TELO2: variants seen among roughly 807,000 people sequenced by gnomAD.
The protein encoded by TELO2 is telomere length regulation protein TEL2 homolog.
In TELO2, 71 loss-of-function variants were observed where a neutral mutation model predicts 91.0. The ratio of observed to expected loss-of-function variants is 0.78; its 90% CI spans 0.64 to 0.95. The LOEUF (loss-of-function observed/expected upper bound fraction) is 0.95. Among genes scored for constraint, TELO2 ranks in the 40% least tolerant of loss-of-function variants. The pLI is 0.00. For synonymous variants in TELO2, 584 were observed against 518.9 expected (o/e 1.13, Z -1.71); for missense variants, 1,183 against 1,141.3 (o/e 1.04, Z -0.53).
rs1343432770 is a variant in TELO2 at position 1,497,489 on chromosome 16, C to T, written c.811C>T (p.Leu271=). Residue 271 remains leucine, a synonymous_variant, in exon 5 of 21, where the codon CTG becomes TTG. Coordinates refer to ENST00000262319, the MANE Select transcript of TELO2 (RefSeq NM_016111.4). This position sits in a 1 kb window ranked among gnomAD's most constrained non-coding sequence, Gnocchi z 4.0. ...GGCCATGGAGGCTGTGCTGACCGGG[C>T]TGGTGGAGGCCGCACTGGGGTAAGC... ...DRAMEAVLTG[L]VEAALGPEVL... is the part of the protein sequence containing the mutation. 1.3e-6 allele frequency: 2 copies of T among 1,571,748 alleles called. No individual in the cohort carries two copies. Among genetic ancestry groups the T allele is most frequent in the Middle Eastern group, 1.7e-4 (1 of 6,004 alleles).
In TELO2 at chr16:1,494,754, A is replaced by G. The variant is rs2039417677; in HGVS notation, c.335+138A>G. The stretch of plus-strand genomic sequence containing the variant: ...CCTGCTCCTGGCTGAACCCCTGAAC[A>G]GAAGAAGCGGTCTGTGTCTGTCTCC... On this transcript the variant is annotated intron_variant, in intron 2 of 20. Coordinates refer to ENST00000262319, the MANE Select transcript of TELO2 (RefSeq NM_016111.4). This position sits in a 1 kb window ranked among gnomAD's most constrained non-coding sequence, Gnocchi z 5.6. 2 of 973,270 alleles carry G rather than the reference A, an allele frequency of 2.1e-6. No individual in the cohort carries two copies. Among genetic ancestry groups the G allele is most frequent in the Admixed American group, 2.9e-5 (1 of 34,398 alleles). 60.3% of individuals were successfully genotyped at this position (973,270 alleles called of 1,614,324 possible). A position where few individuals can be genotyped will look rare whatever the true frequency, so the allele number is the denominator to read the frequency against.
At chr16:1,496,314 C>G (rs986726526) in intron 3 of TELO2, among the ~76,000 whole-genome samples, 1 of 152,226 alleles carries the variant, frequency 6.6e-6, no homozygotes, top group Non-Finnish European at 1.5e-5. Context: ...AAGCCGGGCC[C>G]CTCGAGTCCC....
chr16:1,506,614 T>G, intron 17 of TELO2: 1 of 1,388,406 alleles, frequency 7.2e-7, no homozygotes, highest in Non-Finnish European at 9.3e-7. Flanking sequence ...TGCTGGGCCC[T>G]GCTCGCCTCC....
chr16:1,500,008 A>G, intron 6 of TELO2, 88 bp from the exon 7 acceptor site: 1 of 1,453,482 alleles, frequency 6.9e-7, no homozygotes, highest in East Asian at 2.4e-5. Flanking sequence ...GTCTGGTCCC[A>G]GTCCTGGCAT....
Position 1,497,315 on chromosome 16 carries a change from G to A in TELO2, c.683-46G>A. The A allele has an allele frequency of 6.6e-7, 1 of 1,511,554 alleles. No individual in the cohort carries two copies. Among genetic ancestry groups the A allele is most frequent in the South Asian group, 1.3e-5 (1 of 78,666 alleles). The allele number at this position is 1,511,554 out of a possible 1,614,324, so 93.6% of individuals were successfully genotyped here. A position where few individuals can be genotyped will look rare whatever the true frequency, so the allele number is the denominator to read the frequency against. On this transcript the variant is annotated intron_variant, in intron 4 of 20. Transcript: ENST00000262319. This position sits in a 1 kb window ranked among gnomAD's most constrained non-coding sequence, Gnocchi z 4.0. ...TGGACCCACACAGCCCCAGACACCA[G>A]GTGGGTGCAGCTCCCCAGGCTCAGG...
chr16:1,501,899 T>C, intron 11 of TELO2, 126 bp downstream of exon 11: 1 of 1,436,568 alleles, frequency 7.0e-7, no homozygotes, highest in Non-Finnish European at 9.7e-7. Flanking sequence ...CGTCCTCATG[T>C]GAGGGCCCGC....
In TELO2 at chr16:1,507,296, T is replaced by A; in HGVS notation, c.2227-10T>A. ...GGGACCCCACTGACTGTCCCTCTGC[T>A]GGTGTCCAGGTGGCTGTGGCCATGG... On this transcript the variant is annotated splice_polypyrimidine_tract_variant and intron_variant, in intron 18 of 20. Transcript: ENST00000262319. 1 of 1,607,986 alleles carries A rather than the reference T, an allele frequency of 6.2e-7. No homozygotes were observed. Among genetic ancestry groups the A allele is most frequent in the Non-Finnish European group, 8.5e-7 (1 of 1,179,854 alleles).
chr16:1,506,936 C>A lies in TELO2; in HGVS notation c.2127-16C>A. ...TGAGGCACCCGCTGCACCTTGGGCT[C>A]CATCCTGTGCTCTAGGCCTCTGGTG... On this transcript the variant is annotated splice_polypyrimidine_tract_variant and intron_variant, in intron 17 of 20. Transcript: ENST00000262319. The A allele has an allele frequency of 1.9e-6, 3 of 1,599,656 alleles. No individual in the cohort carries two copies. The highest frequency in any genetic ancestry group is 8.5e-7 in the Non-Finnish European group (1 of 1,173,046).
intron 7 of TELO2, 82 bp from the exon 8 acceptor site, chr16:1,500,265 G>C: frequency 1.3e-6 from 2 of 1,530,890 alleles, no homozygotes; most frequent in South Asian, 1.2e-5. Flanking sequence ...GGCTGGGGCG[G>C]AGCTCCCTCA....
intron 5 of TELO2, 91 bp from the exon 6 acceptor site, chr16:1,499,140 G>A: frequency 7.3e-7 from 1 of 1,363,702 alleles, no homozygotes; most frequent in Non-Finnish European, 1.0e-6. Context: ...CCGGGAGTCA[G>A]GCCGCCGTCT....
intron 11 of TELO2, 103 bp downstream of exon 11, chr16:1,501,876 GCTT>G (rs1216996093): frequency 1.4e-5 from 21 of 1,457,968 alleles, no homozygotes; most frequent in African/African-American, 2.8e-5. Context: ...CCTGCTCCGT[GCTT>G]CTTCTCTTTC....
chr16:1,495,331 C>G lies in TELO2; in HGVS notation c.336-15C>G. The G allele has an allele frequency of 1.3e-6, 2 of 1,530,382 alleles. No individual in the cohort carries two copies. The highest frequency in any genetic ancestry group is 1.8e-6 in the Non-Finnish European group (2 of 1,133,184). 94.8% of individuals were successfully genotyped at this position (1,530,382 alleles called of 1,614,324 possible). A position where few individuals can be genotyped will look rare whatever the true frequency, so the allele number is the denominator to read the frequency against. ...TGGGGGTTGGCGGCTCTGCCCAACA[C>G]GCCCGTATCTTCAGCCCCAGCTTCC... is the stretch of plus-strand genomic sequence containing the variant. On this transcript the variant is annotated splice_polypyrimidine_tract_variant and intron_variant, in intron 2 of 20. Transcript: ENST00000262319.
At position 1,501,440 on chromosome 16, in the gene TELO2, C is replaced by T. The variant is rs746578156; in HGVS notation, c.1302C>T (p.Ser434=). Residue 434 remains serine (S), a synonymous_variant, in exon 10 of 21, where the codon AGC becomes AGT. Transcript: ENST00000262319. ...LKFQYEEDEL[S]LELLALASPQ... Reference sequence around the variant, plus strand: ...TGTAGTACGAAGAGGATGAACTGAGCCTCGAGCTGCTGGCCTTGGCCTCCC... The same window carrying T: ...TGTAGTACGAAGAGGATGAACTGAGTCTCGAGCTGCTGGCCTTGGCCTCCC... The T allele has an allele frequency of 3.1e-6, 5 of 1,612,322 alleles. No homozygotes were observed. Among genetic ancestry groups the T allele is most frequent in the Non-Finnish European group, 4.2e-6 (5 of 1,179,606 alleles).
chr16:1,495,451 C>T lies in TELO2; in HGVS notation c.441C>T (p.Pro147=), dbSNP rs769240165. Residue 147 remains proline, a synonymous_variant, in exon 3 of 21, where the codon CCC becomes CCT. Transcript: ENST00000262319. ...CGCAGTGTCGGCAGCAGACGCAGCC[C>T]GGCTTCATCCTGCTCCGGGAGACGC... is the stretch of plus-strand genomic sequence containing the variant. ...MEAQCRQQTQ[P]GFILLRETLL... 6.9e-5 allele frequency: 111 copies of T among 1,607,094 alleles called. No individual in the cohort carries two copies. The highest frequency in any genetic ancestry group is 8.7e-5 in the Non-Finnish European group (102 of 1,178,200).
rs1393603480 is a variant in TELO2 at position 1,494,454 on chromosome 16, A to G, written c.173A>G (p.His58Arg). Residue 58 changes from histidine (H) to arginine (R), a missense_variant, in exon 2 of 21, where the codon CAC becomes CGC. Coordinates refer to ENST00000262319, the MANE Select transcript of TELO2 (RefSeq NM_016111.4). This position sits in a 1 kb window ranked among gnomAD's most constrained non-coding sequence, Gnocchi z 5.6. ...GAGAAGGAGGAGTTTGCCTCGGCCCACTTCTCGCCTGTCCTCAGATGTCTT... is the reference window on the plus strand; with the variant it reads ...GAGAAGGAGGAGTTTGCCTCGGCCCGCTTCTCGCCTGTCCTCAGATGTCTT... ...PREKEEFASA[H>R]FSPVLRCLAS... The G allele has an allele frequency of 2.5e-6, 4 of 1,613,156 alleles. No individual in the cohort carries two copies. Among genetic ancestry groups the G allele is most frequent in the Non-Finnish European group, 3.4e-6 (4 of 1,179,924 alleles).
chr16:1,498,100 C>T lies in TELO2; in HGVS notation c.830+592C>T, dbSNP rs78879013. Among the ~76,000 whole-genome samples the T allele has an allele frequency of 1.1e-3, 165 of 152,032 alleles. No homozygotes were observed. The East Asian group carries it at 0.027, about 24-fold the overall frequency. On this transcript the variant is annotated intron_variant, in intron 5 of 20. Transcript: ENST00000262319. ...GGTGCAATCGGCTCACTGCAACCTC[C>T]GTCTCCTGGGTTCAAGTGATTCTCC...
In TELO2 at chr16:1,505,495, C is replaced by T. The variant is rs373633187; in HGVS notation, c.1928C>T (p.Pro643Leu). ...PQPGSPSPNT[P>L]CLPEAAVSQP... ...CCTGGCTCCCCAAGTCCCAACACCC[C>T]GTGCCTGCCAGAGGCAGCCGTCTCT... is the stretch of plus-strand genomic sequence containing the variant. Residue 643 changes from proline (P) to leucine (L), a missense_variant, in exon 16 of 21, where the codon CCG becomes CTG. Pro to Leu is a moderately conservative substitution (Grantham distance 98, BLOSUM62 -3). Transcript: ENST00000262319. This position sits in a 1 kb window ranked among gnomAD's most constrained non-coding sequence, Gnocchi z 4.3. 16 of 1,613,024 alleles carry T rather than the reference C, an allele frequency of 9.9e-6. No homozygotes were observed. The highest frequency in any genetic ancestry group is 8.9e-5 in the East Asian group (4 of 44,892).
Position 1,505,454 on chromosome 16 carries a change from C to T in TELO2, c.1887C>T (p.Leu629=), listed in dbSNP as rs200400876. Reference sequence around the variant, plus strand: ...AGGAGCTGTCTAGGCCTGGGTGCCTCGGGAGGACTCCCCAACCTGGCTCCC... The same window carrying T: ...AGGAGCTGTCTAGGCCTGGGTGCCTTGGGAGGACTCCCCAACCTGGCTCCC... The part of the protein sequence containing the change: ...AAQELSRPGC[L]GRTPQPGSPS... The change falls in exon 16 of 21, where the codon CTC becomes CTT. Residue 629 remains leucine (L), a synonymous_variant. Coordinates refer to ENST00000262319, the MANE Select transcript of TELO2 (RefSeq NM_016111.4). The surrounding 1 kb of genome is among the most constrained non-coding windows in gnomAD (Gnocchi z 4.3). 161 of 1,613,092 alleles carry T rather than the reference C, an allele frequency of 1.0e-4. No homozygotes were observed. The East Asian group carries it at 3.2e-3, about 32-fold the overall frequency.
chr16:1,494,369 T>G lies in TELO2; in HGVS notation c.88T>G (p.Cys30Gly). Residue 30 changes from cysteine (C) to glycine (G), a missense_variant, in exon 2 of 21, where the codon TGC (cysteine) becomes GGC (glycine). By Grantham distance (159) the Cys-to-Gly change is radical. Transcript: ENST00000262319. This position sits in a 1 kb window ranked among gnomAD's most constrained non-coding sequence, Gnocchi z 5.6. ...SSSEDGGHIF[C>G]TLESLKRYLG... ...TTCGGAGGATGGCGGCCACATCTTC[T>G]GCACCCTGGAGTCCCTGAAGCGGTA... 1 of 1,613,270 alleles carries G rather than the reference T, an allele frequency of 6.2e-7. No homozygotes were observed. The highest frequency in any genetic ancestry group is 8.5e-7 in the Non-Finnish European group (1 of 1,179,960).
Sources: allele counts gnomAD v4.1 joint callset (sites outside exome capture counted in the v4.1 genomes callset), GRCh38; gene constraint gnomAD v4.1.1; non-coding constraint Gnocchi (gnomAD v3.1); transcripts MANE v1.5; gene names NCBI Gene and HGNC (gene_info 2026-07-23, HGNC 2026-07-21).